TRIM16: variants seen among roughly 807,000 people sequenced by gnomAD.
The protein encoded by TRIM16 is tripartite motif-containing protein 16.
In TRIM16, 33 loss-of-function variants were observed where a neutral mutation model predicts 50.4. The observed-to-expected ratio is 0.65, with a 90% CI of 0.50 to 0.88. The LOEUF is 0.88. TRIM16 is among the 40% of genes least tolerant of loss of function. The probability of loss-of-function intolerance (pLI) is 0.00; values close to 1 mark genes in which losing one functional copy is unlikely to be tolerated. For synonymous variants in TRIM16, 229 were observed against 270.7 expected (o/e 0.85, Z 1.51); for missense variants, 581 against 686.8 (o/e 0.85, Z 1.72).
intron 6 of TRIM16, among the ~76,000 whole-genome samples, chr17:15,660,380 A>G (rs899098417): frequency 6.6e-6 from 1 of 152,162 alleles, no homozygotes; most frequent in African/African-American, 2.4e-5. Context: ...CTGAAGCTCA[A>G]TTCTTCATTC....
At chr17:15,636,346 GAA>G (rs1311193838) in intron 8 of TRIM16, 77 bp from the exon 9 acceptor site, 9 of 1,504,714 alleles carry the variant, frequency 6.0e-6, no homozygotes, top group East Asian at 2.4e-5. Flanking sequence ...TCAACATACA[GAA>G]ATGTCAGCTT....
At chr17:15,675,540 T>C (rs1329813608) in intron 6 of TRIM16, 2 of 170,360 alleles carry the variant, frequency 1.2e-5, no homozygotes, top group Middle Eastern at 5.1e-4. Flanking sequence ...CATATAAAGG[T>C]CTACACTGGA....
chr17:15,664,968 G>C (rs1032033864), intron 6 of TRIM16, among the ~76,000 whole-genome samples: 1 of 148,476 alleles, frequency 6.7e-6, no homozygotes, highest in Non-Finnish European at 1.5e-5. Flanking sequence ...GGAGGTGGAG[G>C]TTGCAGTGAG....
intron 9 of TRIM16, among the ~76,000 whole-genome samples, chr17:15,633,540 C>A (rs921451739): frequency 7.8e-6 from 1 of 128,696 alleles, no homozygotes; most frequent in African/African-American, 2.9e-5. Flanking sequence ...AAATAAATAT[C>A]TTTTTTTTTT....
intron 11 of TRIM16, 120 bp from the exon 12 acceptor site, chr17:15,629,318 T>C (rs1276574173): frequency 4.7e-6 from 3 of 635,130 alleles, no homozygotes; most frequent in South Asian, 4.2e-5. Flanking sequence ...CTCTGTTCTC[T>C]ATTTACCCAG....
At chr17:15,632,234 C>G (rs1370865404) in intron 10 of TRIM16, among the ~76,000 whole-genome samples, 2 of 152,010 alleles carry the variant, frequency 1.3e-5, no homozygotes, top group African/African-American at 4.8e-5. Context: ...ACTAAAAATA[C>G]AAAAATTAGC....
chr17:15,632,100 G>A (rs1205152351), intron 10 of TRIM16: 6 of 303,252 alleles, frequency 2.0e-5, no homozygotes, highest in African/African-American at 4.4e-5. Context: ...TTGAAAATGA[G>A]ACATTTGACT....
At chr17:15,638,216 T>C (rs576240690) in intron 8 of TRIM16, among the ~76,000 whole-genome samples, 1 of 118,078 alleles carries the variant, frequency 8.5e-6, no homozygotes, top group East Asian at 2.5e-4. Context: ...CAAATCCCCC[T>C]CTGTGAGAAA....
intron 6 of TRIM16, among the ~76,000 whole-genome samples, chr17:15,661,209 C>A (rs1227275325): frequency 5.3e-5 from 8 of 152,182 alleles, no homozygotes; most frequent in African/African-American, 1.9e-4. Context: ...AATAAACTTA[C>A]AACAACCTTA....
chr17:15,657,249 G>A (rs576263034), intron 6 of TRIM16, among the ~76,000 whole-genome samples: 1 of 151,776 alleles, frequency 6.6e-6, no homozygotes, highest in Non-Finnish European at 1.5e-5. Context: ...TTGTTTGTTT[G>A]TCTTTGAGAC....
chr17:15,679,432 T>G (rs1383273579), intron 4 of TRIM16, among the ~76,000 whole-genome samples: 1 of 152,084 alleles, frequency 6.6e-6, no homozygotes, highest in Admixed American at 6.5e-5. Context: ...AAGCAAACTG[T>G]TTCTAGATCT....
chr17:15,658,677 G>T, intron 6 of TRIM16: 1 of 282,302 alleles, frequency 3.5e-6, no homozygotes, highest in Non-Finnish European at 5.3e-6. Flanking sequence ...CCGGAAGAGT[G>T]ACATCTAAGT....
rs532509669 is a variant in TRIM16, at chr17:15,653,594, T to C, written c.-337-1648A>G. Among the ~76,000 whole-genome samples, 4 of 152,332 alleles carry C rather than the reference T, an allele frequency of 2.6e-5. No individual in the cohort carries two copies. In the South Asian group the frequency reaches 8.3e-4, roughly 32 times the overall value. ...CTTCCCTTTGTACGTATCTGTGTCCTAATCTCCTCTTCTTATAAGAACACC... is the reference window on the plus strand; with the variant it reads ...CTTCCCTTTGTACGTATCTGTGTCCCAATCTCCTCTTCTTATAAGAACACC... On this transcript the variant is annotated intron_variant, in intron 6 of 11. Coordinates refer to ENST00000649191, the MANE Select transcript of TRIM16 (RefSeq NM_001348119.1).
At chr17:15,645,496 G>A (rs116098958) in intron 7 of TRIM16, among the ~76,000 whole-genome samples, 7,973 of 151,606 alleles carry the variant, frequency 0.053, 722 homozygotes, top group African/African-American at 0.18. Flanking sequence ...GTGCCAAGGC[G>A]CACTTAAGCC....
At chr17:15,629,576 C>T (rs550002321) in intron 11 of TRIM16, among the ~76,000 whole-genome samples, 1 of 152,400 alleles carries the variant, frequency 6.6e-6, no homozygotes, top group East Asian at 1.9e-4. Context: ...CTCCTATACC[C>T]ATATTTGATC....
chr17:15,663,894 T>C (rs1988359484), intron 6 of TRIM16, among the ~76,000 whole-genome samples: 2 of 152,250 alleles, frequency 1.3e-5, no homozygotes, highest in African/African-American at 4.8e-5. Context: ...TATTGGGTTA[T>C]GGGTCTCCCA....
At chr17:15,676,431 CTTTTTTT>C (rs57392285) in intron 6 of TRIM16, among the ~76,000 whole-genome samples, 2 of 125,732 alleles carry the variant, frequency 1.6e-5, no homozygotes, top group Non-Finnish European at 3.3e-5. Context: ...AGAATTTTTT[CTTTTTTT>C]TTTTTTTTTT....
rs1986270913 is a variant in TRIM16 at position 15,629,162 on chromosome 17, T to C, written c.1148A>G (p.His383Arg). The C allele has an allele frequency of 6.2e-7, 1 of 1,612,424 alleles. No individual in the cohort carries two copies. Among genetic ancestry groups the C allele is most frequent in the African/African-American group, 1.3e-5 (1 of 74,900 alleles). The change falls in exon 12 of 12, where the codon CAC (histidine) becomes CGC (arginine). Residue 383 changes from histidine to arginine, a missense_variant. This residue lies in a region of TRIM16 where 450 missense variants were observed against 544.3 expected (regional missense o/e 0.83). Transcript: ENST00000649191. ...YDITFDPDTA[H>R]KYLRLQEENR... ...CTCCTCCTGCAGCCGGAGATACTTGTGTGCTGTGTCCGGGTCAAACGTGAT... is the reference window on the plus strand; with the variant it reads ...CTCCTCCTGCAGCCGGAGATACTTGCGTGCTGTGTCCGGGTCAAACGTGAT...
At chr17:15,683,381 T>C (rs1430230585) in intron 1 of TRIM16, 26 of 426,086 alleles carry the variant, frequency 6.1e-5, no homozygotes, top group South Asian at 7.3e-5. Flanking sequence ...ACTGGGAACA[T>C]AGACAGTTAC....
Sources: gnomAD v4.1 joint callset for allele counts (sites outside exome capture counted in the v4.1 genomes callset) on GRCh38, gnomAD v4.1.1 for gene constraint, gnomAD v4.1.1 regional missense constraint, MANE v1.5 for transcripts, NCBI Gene and HGNC (gene_info 2026-07-23, HGNC 2026-07-21) for gene names.